Variants in SH3BP4 observed in about 807,000 individuals in gnomAD.
The protein encoded by SH3BP4 is SH3 domain binding protein 4.
A neutral mutation model predicts 65.5 loss-of-function variants in SH3BP4; 33 were observed. That is an observed-to-expected ratio of 0.50 (90% CI 0.38 to 0.67). SH3BP4 has a LOEUF of 0.67. Among genes scored for constraint, SH3BP4 ranks in the 30% least tolerant of loss-of-function variants. The probability of loss-of-function intolerance (pLI) is 0.00; values close to 1 mark genes in which losing one functional copy is unlikely to be tolerated. For missense variants in SH3BP4, 1,134 were observed against 1,261.4 expected (o/e 0.90, Z 1.53); for synonymous variants, 552 against 545.5 (o/e 1.01, Z -0.17).
chr2:234,987,109 G>C (rs1322999542), intron 1 of SH3BP4, among the ~76,000 whole-genome samples: 1 of 152,036 alleles, frequency 6.6e-6, no homozygotes, highest in African/African-American at 2.4e-5. Flanking sequence ...ACATCAGCTG[G>C]GAGCATGTTA....
At chr2:234,960,377 G>T (rs1326960294) in intron 1 of SH3BP4, among the ~76,000 whole-genome samples, 1 of 152,196 alleles carries the variant, frequency 6.6e-6, no homozygotes, top group Non-Finnish European at 1.5e-5. Context: ...CTCTGTTCCG[G>T]TTCAGTACAG....
intron 1 of SH3BP4, among the ~76,000 whole-genome samples, chr2:234,968,893 G>T (rs1342174085): frequency 1.3e-5 from 2 of 152,114 alleles, no homozygotes; most frequent in Admixed American, 1.3e-4. Context: ...TTTATTTTAT[G>T]CAAACAGTGT....
rs760507616 is a variant in SH3BP4, at chr2:235,043,118, C to T, written c.2349C>T (p.Leu783=). The change falls in exon 4 of 6, where the codon CTC becomes CTT. Residue 783 remains leucine, a synonymous_variant. Coordinates refer to ENST00000392011, the MANE Select transcript of SH3BP4 (RefSeq NM_014521.3). ...ADALGYVNLP[L]TFFCRAELDS... ...CCCTGGGCTACGTGAACCTGCCGCT[C>T]ACCTTTTTCTGCCGGGCAGAGCTGG... The T allele has an allele frequency of 8.1e-6, 13 of 1,613,762 alleles. No homozygotes were observed. Among genetic ancestry groups the T allele is most frequent in the South Asian group, 1.1e-5 (1 of 91,038 alleles).
rs1373085197 is a variant in SH3BP4, at chr2:235,041,675, G to T, written c.906G>T (p.Leu302Phe). ...CCCGGTCTTGCCACGACCTGGACTTGCTTGGCCAAAGCCCTGGTTGGGGCC... is the reference window on the plus strand; with the variant it reads ...CCCGGTCTTGCCACGACCTGGACTTTCTTGGCCAAAGCCCTGGTTGGGGCC... ...KLARSCHDLD[L>F]LGQSPGWGQT... The change falls in exon 4 of 6, where the codon TTG (leucine) becomes TTT (phenylalanine). Residue 302 changes from leucine to phenylalanine, a missense_variant. Transcript: ENST00000392011. This position sits in a 1 kb window ranked among gnomAD's most constrained non-coding sequence, Gnocchi z 6.0. The T allele has an allele frequency of 6.8e-6, 11 of 1,613,498 alleles. No homozygotes were observed. The Admixed American group carries it at 8.3e-5, about 12-fold the overall frequency.
chr2:234,962,407 G>A (rs910068148), intron 1 of SH3BP4, among the ~76,000 whole-genome samples: 3 of 151,982 alleles, frequency 2.0e-5, no homozygotes, highest in African/African-American at 7.3e-5. Flanking sequence ...CAAAGTGCTG[G>A]GATTACAGGT....
rs374390332 is a variant in SH3BP4, at chr2:235,046,747, A to G, written c.2478+3500A>G. Among the ~76,000 whole-genome samples, 1 of 148,336 alleles carries G rather than the reference A, an allele frequency of 6.7e-6. No homozygotes were observed. The highest frequency in any genetic ancestry group is 2.6e-5 in the African/African-American group (1 of 38,982). On this transcript the variant is annotated intron_variant, in intron 4 of 5. Transcript: ENST00000392011. The surrounding 1 kb of genome is among the most constrained non-coding windows in gnomAD (Gnocchi z 4.2). ...TGAATGAATGATGGATGAATGAATG[A>G]ATGATGAATGAATGAATGAATGAAT...
At chr2:235,000,976 G>T (rs1243197191) in intron 2 of SH3BP4, among the ~76,000 whole-genome samples, 1 of 152,226 alleles carries the variant, frequency 6.6e-6, no homozygotes, top group African/African-American at 2.4e-5. Flanking sequence ...AACACAACTT[G>T]ATTCTTTTCC....
At chr2:235,044,624 C>A (rs1695784305) in intron 4 of SH3BP4, among the ~76,000 whole-genome samples, 1 of 152,244 alleles carries the variant, frequency 6.6e-6, no homozygotes, top group Non-Finnish European at 1.5e-5. Context: ...TTCTGAGAGG[C>A]GTGCTTCTTG....
intron 2 of SH3BP4, among the ~76,000 whole-genome samples, chr2:235,020,866 T>A (rs7565692): frequency 0.22 from 33,456 of 152,144 alleles, 3,927 homozygotes; most frequent in East Asian, 0.45. Context: ...AGCTGGTGAT[T>A]GGTAGTGCCA....
chr2:235,039,425 T>C (rs1400836625), intron 3 of SH3BP4, among the ~76,000 whole-genome samples: 1 of 151,892 alleles, frequency 6.6e-6, no homozygotes, highest in Non-Finnish European at 1.5e-5. Flanking sequence ...AGAAAAGATG[T>C]AGGTTTAGTT....
At position 235,054,581 on chromosome 2, in the gene SH3BP4, T is replaced by C. The variant is rs1696167904; in HGVS notation, c.*765T>C. 1 of 152,180 alleles carries C rather than the reference T, an allele frequency of 6.6e-6. No homozygotes were observed. The highest frequency in any genetic ancestry group is 1.5e-5 in the Non-Finnish European group (1 of 68,030). The allele number at this position is 152,180 out of a possible 1,614,324, so 9.4% of individuals were successfully genotyped here. ...CAATAGATTAGAAAGCAGCCATGAG[T>C]TGACAGTCTTTAGGGCCCCTGCCAG... is the stretch of plus-strand genomic sequence containing the variant. On this transcript the variant is annotated 3_prime_UTR_variant, in exon 6 of 6. Transcript: ENST00000392011.
intron 1 of SH3BP4, among the ~76,000 whole-genome samples, chr2:234,980,137 T>C (rs1446080925): frequency 6.6e-6 from 1 of 152,218 alleles, no homozygotes; most frequent in Non-Finnish European, 1.5e-5. Context: ...CTGTTTTCAT[T>C]ACTATGTGCC....
At chr2:234,958,160 G>A (rs1692630209) in intron 1 of SH3BP4, among the ~76,000 whole-genome samples, 1 of 152,132 alleles carries the variant, frequency 6.6e-6, no homozygotes, top group East Asian at 1.9e-4. Context: ...CCAGATGAAG[G>A]AAAGAGAAAC....
chr2:235,038,304 T>TATATA (rs1553567341), intron 3 of SH3BP4, among the ~76,000 whole-genome samples: 12 of 13,756 alleles, frequency 8.7e-4, no homozygotes, highest in South Asian at 0.013. Context: ...ATATATTATA[T>TATATA]ATATATATTA....
At chr2:235,012,130 A>G (rs1040460618) in intron 2 of SH3BP4, among the ~76,000 whole-genome samples, 40 of 152,250 alleles carry the variant, frequency 2.6e-4, no homozygotes, top group African/African-American at 8.9e-4. Context: ...CCAGCTGCTC[A>G]TGAATGTTAC....
At chr2:234,971,735 ATGACTCATG>A (rs1339290096) in intron 1 of SH3BP4, among the ~76,000 whole-genome samples, 1 of 152,136 alleles carries the variant, frequency 6.6e-6, no homozygotes, top group Non-Finnish European at 1.5e-5. Context: ...CATCTCTCTG[ATGACTCATG>A]ATGTTGGCCA....
Position 234,976,687 on chromosome 2 carries a change from G to T in SH3BP4, c.-206-18616G>T, listed in dbSNP as rs1274786639. On this transcript the variant is annotated intron_variant, in intron 1 of 5. Coordinates refer to ENST00000392011, the MANE Select transcript of SH3BP4 (RefSeq NM_014521.3). This position sits in a 1 kb window ranked among gnomAD's most constrained non-coding sequence, Gnocchi z 4.7. ...TAAGTCACGCTGATGGCATTGTGTG[G>T]CAAGAAGGACACCTGCCTCTGGTCT... Among the ~76,000 whole-genome samples, 1 of 152,130 alleles carries T rather than the reference G, an allele frequency of 6.6e-6. No individual in the cohort carries two copies. The highest frequency in any genetic ancestry group is 2.4e-5 in the African/African-American group (1 of 41,420).
chr2:235,051,442 G>A (rs545057253), intron 4 of SH3BP4, among the ~76,000 whole-genome samples: 6 of 152,296 alleles, frequency 3.9e-5, no homozygotes, highest in Admixed American at 1.3e-4. Flanking sequence ...GTCCCAAGGC[G>A]GCCACGTGGT....
intron 1 of SH3BP4, among the ~76,000 whole-genome samples, chr2:234,962,951 G>A (rs985580195): frequency 1.3e-5 from 2 of 151,886 alleles, no homozygotes; most frequent in African/African-American, 4.8e-5. Context: ...AGTTTCACCA[G>A]GCTGGCCAGG....
Sources: allele counts gnomAD v4.1 joint callset (sites outside exome capture counted in the v4.1 genomes callset), GRCh38; gene constraint gnomAD v4.1.1; non-coding constraint Gnocchi (gnomAD v3.1); transcripts MANE v1.5; gene names NCBI Gene and HGNC (gene_info 2026-07-23, HGNC 2026-07-21).